Variants in GRM8 observed in about 807,000 individuals in gnomAD.
The protein encoded by GRM8 is metabotropic glutamate receptor 8.
In GRM8, 47 loss-of-function variants were observed where a neutral mutation model predicts 87.2. The observed-to-expected ratio is 0.54, with a 90% CI of 0.43 to 0.69. The LOEUF (loss-of-function observed/expected upper bound fraction) is 0.69, where lower values mean the gene tolerates loss of function less well. Ranked by LOEUF, GRM8 falls within the 30% of genes least tolerant of loss-of-function variation. GRM8 has a pLI of 0.00. For synonymous variants in GRM8, 396 were observed against 404.5 expected (o/e 0.98, Z 0.25); for missense variants, 1,019 against 1,139.2 (o/e 0.89, Z 1.52).
intron 8 of GRM8, among the ~76,000 whole-genome samples, chr7:126,539,053 T>C (rs1816212599): frequency 6.6e-6 from 1 of 151,972 alleles, no homozygotes; most frequent in South Asian, 2.1e-4. Flanking sequence ...AAAAATCTAA[T>C]ATGCTTGAGA....
At position 126,769,980 on chromosome 7, in the gene GRM8, G is replaced by A. The variant is rs769816630; in HGVS notation, c.1242C>T (p.Tyr414=). Residue 414 remains tyrosine, a synonymous_variant, in exon 7 of 11, where the codon TAC becomes TAT. Coordinates refer to ENST00000339582, the MANE Select transcript of GRM8 (RefSeq NM_000845.3). ...GATCTTTGTGCATATTGTGCAGGGC[G>A]TAAGCCATGGAATATACAGCATCAA... ...FVIDAVYSMA[Y]ALHNMHKDLC... 2.3e-5 allele frequency: 37 copies of A among 1,611,492 alleles called. No individual in the cohort carries two copies. Among genetic ancestry groups the A allele is most frequent in the African/African-American group, 6.7e-5 (5 of 74,862 alleles).
At chr7:127,057,679 A>AT (rs1563461226) in intron 3 of GRM8, among the ~76,000 whole-genome samples, 1 of 152,198 alleles carries the variant, frequency 6.6e-6, no homozygotes, top group African/African-American at 2.4e-5. Flanking sequence ...TGTAATTTCA[A>AT]TTATAAATCA....
intron 7 of GRM8, among the ~76,000 whole-genome samples, chr7:126,638,391 G>A (rs1802060401): frequency 6.6e-6 from 1 of 151,574 alleles, no homozygotes; most frequent in Non-Finnish European, 1.5e-5. Flanking sequence ...TTAACCACAA[G>A]ATTATGTGTA....
intron 7 of GRM8, among the ~76,000 whole-genome samples, chr7:126,618,547 A>G (rs1799773738): frequency 6.6e-6 from 1 of 152,238 alleles, no homozygotes; most frequent in African/African-American, 2.4e-5. Flanking sequence ...TAAACTAAGG[A>G]GCTTCTACAC....
chr7:126,487,631 C>T (rs1807530240), intron 9 of GRM8, among the ~76,000 whole-genome samples: 2 of 151,870 alleles, frequency 1.3e-5, no homozygotes, highest in South Asian at 2.1e-4. Flanking sequence ...TATGCATCTA[C>T]TTTTTTCATG....
intron 2 of GRM8, among the ~76,000 whole-genome samples, chr7:127,114,214 G>C (rs1826561837): frequency 6.6e-6 from 1 of 152,160 alleles, no homozygotes; most frequent in Non-Finnish European, 1.5e-5. Flanking sequence ...TTTCTTCTCA[G>C]TTGAGTTCCC....
intron 2 of GRM8, among the ~76,000 whole-genome samples, chr7:127,199,603 A>T (rs1256735359): frequency 6.6e-6 from 1 of 152,208 alleles, no homozygotes; most frequent in Non-Finnish European, 1.5e-5. Context: ...TGTTTGTGCT[A>T]TATCATGAGA....
intron 10 of GRM8, among the ~76,000 whole-genome samples, chr7:126,443,328 C>T (rs1801673545): frequency 6.6e-6 from 1 of 152,044 alleles, no homozygotes; most frequent in South Asian, 2.1e-4. Flanking sequence ...CAGCAACTAA[C>T]ACAACACTCA....
chr7:126,788,420 A>AACAAAAAAAAAAAACAAAAAAAAAAAAC lies in GRM8; in HGVS notation c.1157-18356_1157-18355insGTTTTTTTTTTTTGTTTTTTTTTTTTGT, dbSNP rs1554492201. 1.5e-4 allele frequency among the ~76,000 whole-genome samples: 12 copies of AACAAAAAAAAAAAACAAAAAAAAAAAAC among 81,132 alleles called. 1 individual carries two copies. The highest frequency in any genetic ancestry group is 5.5e-4 in the African/African-American group (12 of 21,822). The allele number at this position is 81,132 out of a possible 152,430, so 53.2% of individuals were successfully genotyped here. The stretch of plus-strand genomic sequence containing the variant: ...GCAAGACTCCATCTCAAAAAAAAAA[A>AACAAAAAAAAAAAACAAAAAAAAAAAAC]AAACCCTTTCAGATATCTTTAACAT... On this transcript the variant is annotated intron_variant, in intron 6 of 10. Coordinates refer to ENST00000339582, the MANE Select transcript of GRM8 (RefSeq NM_000845.3).
intron 9 of GRM8, among the ~76,000 whole-genome samples, chr7:126,517,018 C>T (rs2299450): frequency 0.39 from 58,897 of 151,676 alleles, 11,605 homozygotes; most frequent in Middle Eastern, 0.43. Flanking sequence ...AGTCATATTA[C>T]GGTCATAAAA....
intron 3 of GRM8, among the ~76,000 whole-genome samples, chr7:126,993,967 G>A (rs1314828969): frequency 1.3e-5 from 2 of 152,180 alleles, no homozygotes; most frequent in South Asian, 4.1e-4. Flanking sequence ...TAGAGCCAGT[G>A]GATTGGGGTG....
chr7:126,650,762 G>A (rs2151242849), intron 7 of GRM8, among the ~76,000 whole-genome samples: 2 of 152,044 alleles, frequency 1.3e-5, no homozygotes, highest in Middle Eastern at 3.4e-3. Context: ...TAATAATCAA[G>A]TGGACAGGAT....
intron 7 of GRM8, among the ~76,000 whole-genome samples, chr7:126,679,368 T>C (rs1482429150): frequency 1.3e-5 from 2 of 152,208 alleles, no homozygotes; most frequent in African/African-American, 2.4e-5. Flanking sequence ...TCCTCTGATA[T>C]AAGATTTTAA....
chr7:126,559,425 G>A lies in GRM8; in HGVS notation c.1495-25538C>T, dbSNP rs150706791. Among the ~76,000 whole-genome samples the A allele has an allele frequency of 7.2e-3, 1,101 of 151,928 alleles. 3 individuals are homozygous for A. The highest frequency in any genetic ancestry group is 0.024 in the African/African-American group (996 of 41,468). On this transcript the variant is annotated intron_variant, in intron 8 of 10. Transcript: ENST00000339582. ...TGACCTCAAGTGATCCACCCACCTC[G>A]GCCTCTCAAAGTGCTGGGATTACAG...
At chr7:126,770,133 AG>A in intron 6 of GRM8, 68 bp from the exon 7 acceptor site, 3 of 1,023,798 alleles carry the variant, frequency 2.9e-6, no homozygotes, top group Non-Finnish European at 4.5e-6. Flanking sequence ...ATTAGAGCTA[AG>A]ATTTCCATCA....
chr7:126,482,570 C>CTTA (rs1806819804), intron 9 of GRM8, among the ~76,000 whole-genome samples: 1 of 151,892 alleles, frequency 6.6e-6, no homozygotes, highest in Non-Finnish European at 1.5e-5. Flanking sequence ...CATGATTCTG[C>CTTA]TTATATAAGG....
intron 3 of GRM8, among the ~76,000 whole-genome samples, chr7:127,052,189 C>T (rs1819556997): frequency 6.6e-6 from 1 of 152,246 alleles, no homozygotes; most frequent in South Asian, 2.1e-4. Flanking sequence ...GGGCAGATTA[C>T]TTTCTCTCTC....
rs765391169 is a variant in GRM8 at position 126,446,154 on chromosome 7, A to G, written c.2649T>C (p.Ser883=). ...GNDRPNGEVK[S]ELCESLETNT... ...TGGTTTCAAGACTCTCACAGAGTTC[A>G]CTTTTCACCTCGCCATTTGGTCTGT... Residue 883 remains serine (S), a synonymous_variant, in exon 10 of 11, where the codon AGT becomes AGC. Coordinates refer to ENST00000339582, the MANE Select transcript of GRM8 (RefSeq NM_000845.3). 3.1e-6 allele frequency: 5 copies of G among 1,612,740 alleles called. No individual in the cohort carries two copies. The East Asian group carries it at 8.9e-5, about 29-fold the overall frequency.
intron 3 of GRM8, among the ~76,000 whole-genome samples, chr7:127,011,726 T>A (rs547019748): frequency 6.6e-6 from 1 of 152,324 alleles, no homozygotes; most frequent in South Asian, 2.1e-4. Context: ...TCACTATTTT[T>A]AAAAATTAAA....
Sources: allele counts gnomAD v4.1 joint callset (sites outside exome capture counted in the v4.1 genomes callset), GRCh38; gene constraint gnomAD v4.1.1; transcripts MANE v1.5; gene names NCBI Gene and HGNC (gene_info 2026-07-23, HGNC 2026-07-21).